The following NETO2 variants were observed in gnomAD, a reference collection of about 807,000 sequenced individuals.
NETO2 encodes neuropilin and tolloid like 2.
A neutral mutation model predicts 62.5 loss-of-function variants in NETO2; 28 were observed. The observed-to-expected ratio is 0.45, with a 90% CI of 0.33 to 0.61. The LOEUF (loss-of-function observed/expected upper bound fraction) is 0.61, where lower values mean the gene tolerates loss of function less well. NETO2 is among the 20% of genes least tolerant of loss of function. The pLI is 0.02. For synonymous variants in NETO2, 214 were observed against 219.1 expected, an observed-to-expected ratio of 0.98 and a Z score of 0.21; for missense variants, 548 against 643.2, an observed-to-expected ratio of 0.85 and a Z score of 1.60.
intron 4 of NETO2, among the ~76,000 whole-genome samples, chr16:47,126,787 T>G (rs1270892593): frequency 1.3e-5 from 2 of 152,204 alleles, no homozygotes; most frequent in Non-Finnish European, 2.9e-5. Context: ...TAAAGTCTAT[T>G]AGACAATGTT....
In NETO2 at chr16:47,083,443, G is replaced by T; in HGVS notation, c.1356C>A (p.Thr452=). 1 of 1,614,188 alleles carries T rather than the reference G, an allele frequency of 6.2e-7. No homozygotes were observed. The highest frequency in any genetic ancestry group is 8.5e-7 in the Non-Finnish European group (1 of 1,180,032). ...AAGGAAGTTCCATGGAACTGAGGTTGGTCCTGCTTTGTTTGACGCTGGAGG... is the reference window on the plus strand; with the variant it reads ...AAGGAAGTTCCATGGAACTGAGGTTTGTCCTGCTTTGTTTGACGCTGGAGG... ...SQASSVKQSR[T]NLSSMELPFR... Residue 452 remains threonine, a synonymous_variant, in exon 9 of 9, where the codon ACC becomes ACA. Coordinates refer to ENST00000562435, the MANE Select transcript of NETO2 (RefSeq NM_018092.5).
intron 6 of NETO2, among the ~76,000 whole-genome samples, chr16:47,120,295 T>C (rs1305341141): frequency 1.3e-5 from 2 of 152,228 alleles, no homozygotes; most frequent in South Asian, 2.1e-4. Context: ...ACAAGATATA[T>C]TTGGATTTTA....
intron 1 of NETO2, among the ~76,000 whole-genome samples, chr16:47,141,779 A>G (rs1275769486): frequency 2.0e-5 from 3 of 152,240 alleles, no homozygotes; most frequent in African/African-American, 7.2e-5. Context: ...GCCAGACACT[A>G]TATTGTTTTC....
chr16:47,088,227 C>G (rs1421070068), intron 7 of NETO2, among the ~76,000 whole-genome samples: 2 of 152,066 alleles, frequency 1.3e-5, no homozygotes, highest in Non-Finnish European at 2.9e-5. Context: ...GCCTCAGCCT[C>G]CCCGAGTAGC....
rs576329987 is a variant in NETO2, at chr16:47,129,814, C to T, written c.92-450G>A. On this transcript the variant is annotated intron_variant, in intron 2 of 8. Coordinates refer to ENST00000562435, the MANE Select transcript of NETO2 (RefSeq NM_018092.5). The stretch of plus-strand genomic sequence containing the variant: ...CTAAATACATGCACGTAGCTGAGCT[C>T]CTTCCTCAAACTCCACTTAAACAGC... 1.2e-3 allele frequency among the ~76,000 whole-genome samples: 184 copies of T among 152,262 alleles called. 1 individual carries two copies. Among genetic ancestry groups the T allele is most frequent in the Non-Finnish European group, 1.9e-3 (132 of 68,030 alleles).
intron 1 of NETO2, among the ~76,000 whole-genome samples, chr16:47,141,608 A>C (rs1239658128): frequency 6.6e-6 from 1 of 152,206 alleles, no homozygotes. Flanking sequence ...CAGACCAGTT[A>C]TTGGCATTTA....
chr16:47,092,933 C>T (rs781769884), intron 7 of NETO2, among the ~76,000 whole-genome samples: 5 of 152,126 alleles, frequency 3.3e-5, no homozygotes, highest in Admixed American at 2.6e-4. Flanking sequence ...CTCTTTTAGC[C>T]TTCATTGAAT....
Position 47,083,271 on chromosome 16 carries a change from C to A in NETO2, c.1528G>T (p.Val510Phe), listed in dbSNP as rs756079194. ...TGTGCAGAATCTTCTCGCCCCCTGACATAAATTTCACAGGGAATCTCCTCC... is the reference window on the plus strand; with the variant it reads ...TGTGCAGAATCTTCTCGCCCCCTGAAATAAATTTCACAGGGAATCTCCTCC... ...VMEEIPCEIYVRGREDSAQAS... is the reference protein window; with the variant it reads ...VMEEIPCEIYFRGREDSAQAS... The change falls in exon 9 of 9, where the codon GTC (valine) becomes TTC (phenylalanine). Residue 510 changes from valine to phenylalanine, a missense_variant. Physicochemically the swap from Val to Phe is conservative, Grantham distance 50. Coordinates refer to ENST00000562435, the MANE Select transcript of NETO2 (RefSeq NM_018092.5). The A allele has an allele frequency of 1.2e-6, 2 of 1,613,938 alleles. No homozygotes were observed. The highest frequency in any genetic ancestry group is 8.5e-7 in the Non-Finnish European group (1 of 1,179,842).
chr16:47,094,116 G>A (rs1480442901), intron 7 of NETO2, among the ~76,000 whole-genome samples: 2 of 152,110 alleles, frequency 1.3e-5, no homozygotes, highest in Non-Finnish European at 2.9e-5. Context: ...CTGCCCAAAT[G>A]TAGATTAAAG....
intron 2 of NETO2, among the ~76,000 whole-genome samples, chr16:47,130,456 A>ATAAC (rs150943898): frequency 0.013 from 1,907 of 151,162 alleles, 37 homozygotes; most frequent in African/African-American, 0.044. Flanking sequence ...AAATAAATAA[A>ATAAC]TAATAATAAT....
intron 6 of NETO2, among the ~76,000 whole-genome samples, chr16:47,116,054 T>A (rs1468024017): frequency 6.6e-6 from 1 of 152,020 alleles, no homozygotes; most frequent in Admixed American, 6.6e-5. Context: ...TAGTATAACA[T>A]TGAATAGGAC....
At chr16:47,133,872 G>A (rs973714995) in intron 1 of NETO2, among the ~76,000 whole-genome samples, 1 of 152,158 alleles carries the variant, frequency 6.6e-6, no homozygotes, top group African/African-American at 2.4e-5. Context: ...ACAAGTGTAT[G>A]ACATTATCAC....
intron 8 of NETO2, among the ~76,000 whole-genome samples, chr16:47,085,181 A>AT (rs1236761308): frequency 1.3e-5 from 2 of 152,248 alleles, no homozygotes; most frequent in African/African-American, 4.8e-5. Context: ...ATGTTACGAA[A>AT]TAAAAAAAGC....
intron 7 of NETO2, among the ~76,000 whole-genome samples, chr16:47,102,396 A>G (rs1333860274): frequency 1.3e-5 from 2 of 152,198 alleles, no homozygotes; most frequent in South Asian, 2.1e-4. Context: ...CTTCATGACT[A>G]AAACACCAAA....
intron 7 of NETO2, among the ~76,000 whole-genome samples, chr16:47,096,378 G>A (rs1164244064): frequency 1.3e-5 from 2 of 152,096 alleles, no homozygotes; most frequent in South Asian, 2.1e-4. Flanking sequence ...TCTTTGGACA[G>A]ATCAACAAGA....
At chr16:47,087,176 G>C (rs1039294188) in intron 7 of NETO2, among the ~76,000 whole-genome samples, 2 of 151,942 alleles carry the variant, frequency 1.3e-5, no homozygotes, top group African/African-American at 4.8e-5. Context: ...CTACAGGCAC[G>C]AGCCATGCCT....
In NETO2 at chr16:47,084,967, C is replaced by T. The variant is rs555604862; in HGVS notation, c.998-1166G>A. On this transcript the variant is annotated intron_variant, in intron 8 of 8. Transcript: ENST00000562435. ...TCATCCTGAAACCAACCCCCCTGCC[C>T]CACCCCTGTTCTGTGAAAAAATTGT... Among the ~76,000 whole-genome samples the T allele has an allele frequency of 7.0e-4, 106 of 152,262 alleles. 1 individual carries two copies. The highest frequency in any genetic ancestry group is 1.5e-3 in the Non-Finnish European group (101 of 68,012).
At chr16:47,122,938 A>C (rs756112028) in intron 4 of NETO2, 26 bp from the exon 5 acceptor site, 1 of 1,604,828 alleles carries the variant, frequency 6.2e-7, no homozygotes, top group South Asian at 1.1e-5. Context: ...GAAGAAAGTC[A>C]TTGGTACTGA....
At chr16:47,140,078 A>C (rs981049859) in intron 1 of NETO2, among the ~76,000 whole-genome samples, 1 of 152,224 alleles carries the variant, frequency 6.6e-6, no homozygotes, top group African/African-American at 2.4e-5. Flanking sequence ...CAATATAACA[A>C]ACCCGTTGAA....
Sources: allele counts gnomAD v4.1 joint callset (sites outside exome capture counted in the v4.1 genomes callset), GRCh38; gene constraint gnomAD v4.1.1; transcripts MANE v1.5; gene names NCBI Gene and HGNC (gene_info 2026-07-23, HGNC 2026-07-21).